The following DSTYK variants were observed in gnomAD, a reference collection of about 807,000 sequenced individuals.
DSTYK encodes the protein RIP-homologous kinase.
A neutral mutation model predicts 98.7 loss-of-function variants in DSTYK; 34 were observed. The ratio of observed to expected loss-of-function variants is 0.34; its 90% CI spans 0.26 to 0.46. The LOEUF is 0.46. Among genes scored for constraint, DSTYK ranks in the 20% least tolerant of loss-of-function variants. The pLI is 1.00. For missense variants in DSTYK, 962 were observed against 1,181.7 expected (o/e 0.81, Z 2.73); for synonymous variants, 462 against 457.3 (o/e 1.01, Z -0.13).
chr1:205,170,740 A>C (rs1264530328), intron 2 of DSTYK, among the ~76,000 whole-genome samples: 1 of 152,200 alleles, frequency 6.6e-6, no homozygotes, highest in Non-Finnish European at 1.5e-5. Context: ...TGTCCTTTAC[A>C]GATAGGGGTA....
At chr1:205,181,043 T>A (rs778410838) in intron 2 of DSTYK, among the ~76,000 whole-genome samples, 7 of 152,250 alleles carry the variant, frequency 4.6e-5, no homozygotes, top group Non-Finnish European at 7.3e-5. Context: ...ACATCCTTTT[T>A]AAATATATCA....
chr1:205,175,381 C>T (rs542983906), intron 2 of DSTYK, among the ~76,000 whole-genome samples: 1 of 152,144 alleles, frequency 6.6e-6, no homozygotes, highest in Non-Finnish European at 1.5e-5. Context: ...CGTGAGCCAC[C>T]GTGCCCGCCA....
rs534959566 is a variant in DSTYK at position 205,152,833 on chromosome 1, A to C, written c.2353-2039T>G. 3.3e-5 allele frequency among the ~76,000 whole-genome samples: 5 copies of C among 152,144 alleles called. No homozygotes were observed. In the East Asian group the frequency reaches 5.8e-4, roughly 18 times the overall value. On this transcript the variant is annotated intron_variant, in intron 10 of 12. Transcript: ENST00000367162. ...GTAATTTTTGGATTAGGAATACTCA[A>C]CCGGTACTGTCTTCCTCCCCATACT... is the stretch of plus-strand genomic sequence containing the variant.
intron 6 of DSTYK, among the ~76,000 whole-genome samples, chr1:205,161,708 A>G (rs1657725785): frequency 1.3e-5 from 2 of 152,204 alleles, no homozygotes; most frequent in Admixed American, 6.5e-5. Flanking sequence ...CTAAAATACT[A>G]TATAAACATA....
rs576560906 is a variant in DSTYK at position 205,164,493 on chromosome 1, G to A, written c.1325-538C>T. ...TTTTTTTTTTTTGAGACGGAGTCTC[G>A]CTGTGTCGCCCAGGCTGGAGTGGAG... On this transcript the variant is annotated intron_variant, in intron 3 of 12. Coordinates refer to ENST00000367162, the MANE Select transcript of DSTYK (RefSeq NM_015375.3). Among the ~76,000 whole-genome samples, 78 of 147,404 alleles carry A rather than the reference G, an allele frequency of 5.3e-4. 1 individual carries two copies. The highest frequency in any genetic ancestry group is 5.8e-4 in the Non-Finnish European group (39 of 67,314).
Position 205,142,682 on chromosome 1 carries a change from T to C in DSTYK, c.*4876A>G, listed in dbSNP as rs1222523213. The C allele has an allele frequency of 1.3e-5, 2 of 152,282 alleles. No individual in the cohort carries two copies. Among genetic ancestry groups the C allele is most frequent in the Non-Finnish European group, 2.9e-5 (2 of 68,042 alleles). 9.4% of individuals were successfully genotyped at this position (152,282 alleles called of 1,614,324 possible). On this transcript the variant is annotated 3_prime_UTR_variant, in exon 13 of 13. Transcript: ENST00000367162. The stretch of plus-strand genomic sequence containing the variant: ...AGACGGTCCTGCTGTAACAATATTA[T>C]GGAAAGAGCCAGGTAGCACAAGAAA...
At chr1:205,183,950 G>C (rs2102443893) in intron 2 of DSTYK, among the ~76,000 whole-genome samples, 1 of 152,330 alleles carries the variant, frequency 6.6e-6, no homozygotes, top group Non-Finnish European at 1.5e-5. Flanking sequence ...CAGATCTTGA[G>C]AAACACTGGC....
chr1:205,201,405 C>CAAAAAAA (rs67120994), intron 1 of DSTYK, among the ~76,000 whole-genome samples: 16 of 95,458 alleles, frequency 1.7e-4, no homozygotes, highest in Non-Finnish European at 2.7e-4. Flanking sequence ...TTTTTTAATG[C>CAAAAAAA]AAAAAAAAAA....
At chr1:205,207,405 C>T (rs1042755883) in intron 1 of DSTYK, among the ~76,000 whole-genome samples, 8 of 151,564 alleles carry the variant, frequency 5.3e-5, no homozygotes, top group African/African-American at 1.5e-4. Context: ...AATTGAGAGG[C>T]TTATGACAAA....
chr1:205,162,329 G>C, intron 5 of DSTYK, 117 bp from the exon 6 acceptor site: 1 of 1,233,760 alleles, frequency 8.1e-7, no homozygotes, highest in Non-Finnish European at 1.1e-6. Context: ...CATAAGATGG[G>C]AGCCATACGA....
rs140098069 is a variant in DSTYK at position 205,169,256 on chromosome 1, G to T, written c.1231C>A (p.Arg411=). The T allele has an allele frequency of 1.9e-5, 31 of 1,613,760 alleles. No homozygotes were observed. The African/African-American group carries it at 4.0e-4, about 21-fold the overall frequency. Residue 411 remains arginine, a synonymous_variant, in exon 3 of 13, where the codon CGA becomes AGA. Coordinates refer to ENST00000367162, the MANE Select transcript of DSTYK (RefSeq NM_015375.3). The surrounding 1 kb of genome is among the most constrained non-coding windows in gnomAD (Gnocchi z 4.0). ...LYESLMNIAN[R]KQEEMKDMIV... ...ATATCCTTCATTTCCTCCTGCTTTC[G>T]GTTGGCAATATTCATCAATGATTCA...
rs1054845116 is a variant in DSTYK, at chr1:205,211,550, C to T, written c.-15G>A. 1 of 1,491,768 alleles carries T rather than the reference C, an allele frequency of 6.7e-7. No individual in the cohort carries two copies. Among genetic ancestry groups the T allele is most frequent in the Non-Finnish European group, 8.9e-7 (1 of 1,128,504 alleles). The allele number at this position is 1,491,768 out of a possible 1,614,324, so 92.4% of individuals were successfully genotyped here. On this transcript the variant is annotated 5_prime_UTR_variant, in exon 1 of 13. Transcript: ENST00000367162. ...TCGCCCTCCATCGCCTCTGCCCGCT[C>T]TGTCTTTGCGGCTCGGTCCCCGGCC...
chr1:205,163,851 C>G lies in DSTYK; in HGVS notation c.1429G>C (p.Ala477Pro), dbSNP rs1174373891. ...LIISRLNQAV[A>P]NKLISSVDYL... ...TCCACTGAGCTGATCAGCTTATTAG[C>G]CACTGCCTGATTAAGTCGGGAGATG... Residue 477 changes from alanine (A) to proline (P), a missense_variant, in exon 4 of 13, where the codon GCT becomes CCT. By Grantham distance (27) the Ala-to-Pro change is conservative (BLOSUM62 -1). Around this residue, in one of 4 missense-constraint regions of DSTYK, gnomAD observed 660 missense variants for 855.0 expected, o/e 0.77. Transcript: ENST00000367162. 6.2e-7 allele frequency: 1 copy of G among 1,614,166 alleles called. No individual in the cohort carries two copies. Among genetic ancestry groups the G allele is most frequent in the African/African-American group, 1.3e-5 (1 of 75,042 alleles).
Position 205,211,563 on chromosome 1 carries a change from T to C in DSTYK, c.-28A>G. 3.4e-6 allele frequency: 5 copies of C among 1,449,988 alleles called. No individual in the cohort carries two copies. The highest frequency in any genetic ancestry group is 4.5e-6 in the Non-Finnish European group (5 of 1,108,706). The allele number at this position is 1,449,988 out of a possible 1,614,324, so 89.8% of individuals were successfully genotyped here. A position where few individuals can be genotyped will look rare whatever the true frequency, so the allele number is the denominator to read the frequency against. On this transcript the variant is annotated 5_prime_UTR_variant, in exon 1 of 13. Coordinates refer to ENST00000367162, the MANE Select transcript of DSTYK (RefSeq NM_015375.3). Reference sequence around the variant, plus strand: ...CCTCTGCCCGCTCTGTCTTTGCGGCTCGGTCCCCGGCCGCAGGCCCGGCCT... The same window carrying C: ...CCTCTGCCCGCTCTGTCTTTGCGGCCCGGTCCCCGGCCGCAGGCCCGGCCT...
rs1015869501 is a variant in DSTYK, at chr1:205,144,624, T to C, written c.*2934A>G. ...TACCTGCACTCAGCCTGCTGAGTATTTAAATAACATCCCCAAATATCCATA... is the reference window on the plus strand; with the variant it reads ...TACCTGCACTCAGCCTGCTGAGTATCTAAATAACATCCCCAAATATCCATA... On this transcript the variant is annotated 3_prime_UTR_variant, in exon 13 of 13. Transcript: ENST00000367162. The C allele has an allele frequency of 4.6e-5, 7 of 152,690 alleles. No individual in the cohort carries two copies. The highest frequency in any genetic ancestry group is 1.7e-4 in the African/African-American group (7 of 41,582). The allele number at this position is 152,690 out of a possible 1,614,324, so 9.5% of individuals were successfully genotyped here. A position where few individuals can be genotyped will look rare whatever the true frequency, so the allele number is the denominator to read the frequency against.
intron 2 of DSTYK, chr1:205,173,390 C>CAAATAA (rs1658126041): frequency 1.2e-5 from 1 of 82,606 alleles, no homozygotes; most frequent in African/African-American, 5.3e-5. Flanking sequence ...GAGACTGTCT[C>CAAATAA]AAAAAAAAAA....
chr1:205,182,766 A>C (rs1008753533), intron 2 of DSTYK, among the ~76,000 whole-genome samples: 1 of 151,418 alleles, frequency 6.6e-6, no homozygotes, highest in African/African-American at 2.4e-5. Context: ...AGATTGCGTC[A>C]TTGCATTCCA....
intron 2 of DSTYK, among the ~76,000 whole-genome samples, chr1:205,183,867 C>G (rs1280314851): frequency 6.6e-6 from 1 of 152,096 alleles, no homozygotes; most frequent in Non-Finnish European, 1.5e-5. Context: ...TGAGACTCAA[C>G]ATCAAAGGGT....
chr1:205,148,158 T>A, intron 12 of DSTYK, 47 bp downstream of exon 12: 1 of 1,610,538 alleles, frequency 6.2e-7, no homozygotes, highest in Non-Finnish European at 8.5e-7. Flanking sequence ...GGGCTCAGTC[T>A]GCGCTAGCCA....
Sources: gnomAD v4.1 joint callset for allele counts (sites outside exome capture counted in the v4.1 genomes callset) on GRCh38, gnomAD v4.1.1 for gene constraint, gnomAD v4.1.1 regional missense constraint, Gnocchi (gnomAD v3.1) non-coding constraint, MANE v1.5 for transcripts, NCBI Gene and HGNC (gene_info 2026-07-23, HGNC 2026-07-21) for gene names.